The following DAB1 variants were observed in gnomAD, a reference collection of about 807,000 sequenced individuals.
The protein encoded by DAB1 is DAB adaptor protein 1, also known as disabled homolog 1.
A neutral mutation model predicts 64.6 loss-of-function variants in DAB1; 15 were observed. The ratio of observed to expected loss-of-function variants is 0.23; its 90% CI spans 0.16 to 0.36. The LOEUF is 0.36. Among genes scored for constraint, DAB1 ranks in the 10% least tolerant of loss-of-function variants. The pLI is 1.00. For synonymous variants in DAB1, 235 were observed against 251.9 expected (o/e 0.93, Z 0.64); for missense variants, 596 against 706.7 (o/e 0.84, Z 1.78).
chr1:58,090,181 T>C lies in DAB1; in HGVS notation n.387+60330A>G, dbSNP rs140888697. Among the ~76,000 whole-genome samples the C allele has an allele frequency of 7.5e-3, 1,140 of 152,070 alleles. 21 individuals are homozygous for C. Among genetic ancestry groups the C allele is most frequent in the African/African-American group, 0.024 (1,003 of 41,442 alleles). On this transcript the variant is annotated intron_variant and non_coding_transcript_variant, in intron 5 of 20. Coordinates refer to the DAB1 transcript ENST00000485760. The stretch of plus-strand genomic sequence containing the variant: ...TGATGTGTAACAACATACAGCCCAC[T>C]GAGGTTGCGTGGTTGAAATGCCAAG...
chr1:57,202,778 G>A (rs1665212139), intron 2 of DAB1, among the ~76,000 whole-genome samples: 2 of 152,196 alleles, frequency 1.3e-5, no homozygotes, highest in African/African-American at 4.8e-5. Context: ...ATCAGATCAT[G>A]TAATTTCCCT....
intron 7 of DAB1, among the ~76,000 whole-genome samples, chr1:57,441,246 TTTCTTTTC>T: frequency 6.8e-6 from 1 of 147,070 alleles, no homozygotes; most frequent in Admixed American, 6.9e-5. Flanking sequence ...GGTACAATCT[TTTCTTTTC>T]TTTTCTTTTC....
At chr1:57,072,541 G>T in intron 4 of DAB1, 127 bp from the exon 5 acceptor site, 1 of 938,270 alleles carries the variant, frequency 1.1e-6, no homozygotes, top group Non-Finnish European at 1.6e-6. Context: ...GTTTAGTCCA[G>T]ATGGAAAGAA....
intron 9 of DAB1, among the ~76,000 whole-genome samples, chr1:57,051,082 G>T (rs1649140625): frequency 6.6e-6 from 1 of 152,140 alleles, no homozygotes; most frequent in Non-Finnish European, 1.5e-5. Context: ...TAATGTTGCT[G>T]TTAACTCCAA....
At chr1:57,512,015 C>A (rs992011898) in intron 7 of DAB1, among the ~76,000 whole-genome samples, 3 of 152,162 alleles carry the variant, frequency 2.0e-5, no homozygotes, top group African/African-American at 7.2e-5. Flanking sequence ...ATCTATCTCA[C>A]CATATACAAC....
At chr1:57,346,064 C>T (rs1413861570) in intron 1 of DAB1, among the ~76,000 whole-genome samples, 2 of 152,144 alleles carry the variant, frequency 1.3e-5, no homozygotes, top group East Asian at 1.9e-4. Flanking sequence ...AGCTAGAAAA[C>T]GGAAGAGGTT....
intron 5 of DAB1, among the ~76,000 whole-genome samples, chr1:58,033,249 G>T (rs1646996096): frequency 6.6e-6 from 1 of 152,108 alleles, no homozygotes; most frequent in South Asian, 2.1e-4. Context: ...GCACAAGCTG[G>T]CTGTATTCCT....
intron 3 of DAB1, among the ~76,000 whole-genome samples, chr1:58,367,533 G>A (rs953603969): frequency 2.0e-5 from 3 of 152,172 alleles, no homozygotes; most frequent in African/African-American, 7.2e-5. Flanking sequence ...TCTATAAACA[G>A]CAGAGACCAA....
At chr1:58,457,672 T>C (rs1019772523) in intron 3 of DAB1, among the ~76,000 whole-genome samples, 4 of 152,186 alleles carry the variant, frequency 2.6e-5, no homozygotes, top group African/African-American at 9.7e-5. Flanking sequence ...ACCGTCTCTG[T>C]TACAGACAAA....
chr1:58,497,530 C>T (rs1035563879), intron 3 of DAB1, among the ~76,000 whole-genome samples: 6 of 152,128 alleles, frequency 3.9e-5, no homozygotes, highest in African/African-American at 1.4e-4. Context: ...GACTATGCCA[C>T]CCCAAATATG....
At chr1:58,537,458 A>G (rs751645723) in intron 1 of DAB1, among the ~76,000 whole-genome samples, 3 of 152,216 alleles carry the variant, frequency 2.0e-5, no homozygotes, top group Non-Finnish European at 4.4e-5. Context: ...AAGGAGAGAT[A>G]ACAAGATCCT....
intron 1 of DAB1, among the ~76,000 whole-genome samples, chr1:58,535,320 C>T (rs1044077479): frequency 2.0e-5 from 3 of 151,974 alleles, no homozygotes; most frequent in Non-Finnish European, 4.4e-5. Context: ...AATCAACAAG[C>T]GGCTGGGCAT....
At chr1:58,399,700 A>G (rs750454521) in intron 3 of DAB1, among the ~76,000 whole-genome samples, 6 of 152,188 alleles carry the variant, frequency 3.9e-5, no homozygotes, top group Non-Finnish European at 2.9e-5. Context: ...AATAATAACA[A>G]CTGCCAAATA....
chr1:57,108,464 G>T (rs1262603332), intron 4 of DAB1, among the ~76,000 whole-genome samples: 1 of 152,060 alleles, frequency 6.6e-6, no homozygotes, highest in Non-Finnish European at 1.5e-5. Flanking sequence ...CCTCTAACCA[G>T]GCTAGCTTCT....
At chr1:58,016,410 G>A (rs142446330) in intron 5 of DAB1, among the ~76,000 whole-genome samples, 11 of 152,202 alleles carry the variant, frequency 7.2e-5, no homozygotes, top group South Asian at 2.1e-4. Context: ...TGCAGCCCAC[G>A]GCATGTTAAG....
intron 2 of DAB1, among the ~76,000 whole-genome samples, chr1:57,250,830 C>T (rs903066317): frequency 6.6e-6 from 1 of 152,164 alleles, no homozygotes; most frequent in African/African-American, 2.4e-5. Flanking sequence ...AGAGGGGCTA[C>T]TTTTACTTCT....
At chr1:58,353,138 G>A (rs1432207169) in intron 3 of DAB1, among the ~76,000 whole-genome samples, 2 of 150,822 alleles carry the variant, frequency 1.3e-5, no homozygotes, top group Admixed American at 1.3e-4. Context: ...TTCTTTATTT[G>A]TGTCCTCTAT....
chr1:57,026,365 GAGATAAAGGC>G (rs1397854053), intron 9 of DAB1, among the ~76,000 whole-genome samples: 2 of 152,128 alleles, frequency 1.3e-5, no homozygotes, highest in Non-Finnish European at 2.9e-5. Flanking sequence ...TCTTTTCTAG[GAGATAAAGGC>G]AGGGAGGCAA....
chr1:57,519,265 G>A (rs1644498007), intron 7 of DAB1, among the ~76,000 whole-genome samples: 1 of 152,066 alleles, frequency 6.6e-6, no homozygotes, highest in African/African-American at 2.4e-5. Context: ...TGAGGCACAG[G>A]GAAGTAACCT....
Sources: gnomAD v4.1 joint callset for allele counts (sites outside exome capture counted in the v4.1 genomes callset) on GRCh38, gnomAD v4.1.1 for gene constraint, MANE v1.5 for transcripts, NCBI Gene and HGNC (gene_info 2026-07-23, HGNC 2026-07-21) for gene names.